NRG1: variants seen among roughly 807,000 people sequenced by gnomAD.
NRG1 encodes the protein neuregulin 1.
Under a neutral mutation model 63.8 loss-of-function variants are expected in NRG1, and 18 were observed. The observed-to-expected ratio is 0.28, with a 90% CI of 0.19 to 0.42. The LOEUF (loss-of-function observed/expected upper bound fraction) is 0.42. NRG1 is among the 10% of genes least tolerant of loss of function. NRG1 has a pLI of 1.00. For synonymous variants in NRG1, 302 were observed against 301.3 expected, an observed-to-expected ratio of 1.00 and a Z score of -0.02; for missense variants, 762 against 814.7, an observed-to-expected ratio of 0.94 and a Z score of 0.79.
intron 1 of NRG1, among the ~76,000 whole-genome samples, chr8:32,563,717 C>G (rs913639149): frequency 2.0e-5 from 3 of 152,096 alleles, no homozygotes; most frequent in African/African-American, 7.2e-5. Context: ...AGTTTTTATT[C>G]TTCTCCATCC....
chr8:31,936,270 C>T (rs1835292120), intron 1 of NRG1, among the ~76,000 whole-genome samples: 1 of 152,168 alleles, frequency 6.6e-6, no homozygotes. Flanking sequence ...ATACATAAAA[C>T]TCTTTCCTGG....
intron 1 of NRG1, among the ~76,000 whole-genome samples, chr8:32,285,996 T>C (rs978044189): frequency 6.6e-6 from 1 of 152,228 alleles, no homozygotes; most frequent in Non-Finnish European, 1.5e-5. Context: ...GTACTGCACC[T>C]GTGAATCATG....
chr8:32,108,372 T>G (rs1406520522), intron 1 of NRG1, among the ~76,000 whole-genome samples: 2 of 152,100 alleles, frequency 1.3e-5, no homozygotes, highest in Non-Finnish European at 2.9e-5. Flanking sequence ...GTACTGCATC[T>G]TCAGAGGGGA....
chr8:31,750,404 C>G (rs1221872616), intron 1 of NRG1, among the ~76,000 whole-genome samples: 1 of 151,864 alleles, frequency 6.6e-6, no homozygotes, highest in Non-Finnish European at 1.5e-5. Context: ...AAATGCAAAA[C>G]TGAATGTCTA....
intron 1 of NRG1, among the ~76,000 whole-genome samples, chr8:32,193,230 C>T (rs1198027779): frequency 6.6e-6 from 1 of 151,968 alleles, no homozygotes; most frequent in Non-Finnish European, 1.5e-5. Flanking sequence ...AGCAAGTGAA[C>T]ACAGTGCAGC....
Position 31,879,162 on chromosome 8 carries a change from A to C in NRG1, c.37+239731A>C, listed in dbSNP as rs527732709. On this transcript the variant is annotated intron_variant, in intron 1 of 10. Transcript: ENST00000519301. ...CAAGGATAATTGAGGAACATTTTCG[A>C]TTCTGTTCAACACAGCCAATTTCCT... Among the ~76,000 whole-genome samples the C allele has an allele frequency of 2.0e-5, 3 of 152,304 alleles. No homozygotes were observed. The East Asian group carries it at 5.8e-4, about 29-fold the overall frequency.
chr8:31,771,878 C>T (rs1464621523), intron 1 of NRG1, among the ~76,000 whole-genome samples: 1 of 152,132 alleles, frequency 6.6e-6, no homozygotes, highest in Non-Finnish European at 1.5e-5. Context: ...CAGAAAAATA[C>T]AAGCACAGTG....
chr8:32,006,013 T>TC, intron 1 of NRG1, among the ~76,000 whole-genome samples: 1 of 152,134 alleles, frequency 6.6e-6, no homozygotes, highest in East Asian at 1.9e-4. Context: ...GCCTGGATGT[T>TC]TGTCTTTTCA....
chr8:31,741,930 T>C (rs898327821), intron 1 of NRG1, among the ~76,000 whole-genome samples: 1 of 151,878 alleles, frequency 6.6e-6, no homozygotes, highest in African/African-American at 2.4e-5. Context: ...TGAAAAAAAC[T>C]GCAACTATCC....
intron 1 of NRG1, among the ~76,000 whole-genome samples, chr8:31,839,867 T>G (rs2129607508): frequency 6.6e-6 from 1 of 152,082 alleles, no homozygotes; most frequent in Middle Eastern, 3.4e-3. Flanking sequence ...GCACTTCCTG[T>G]GAAATCGCAG....
intron 1 of NRG1, among the ~76,000 whole-genome samples, chr8:31,997,521 A>G (rs1027400355): frequency 1.3e-5 from 2 of 152,010 alleles, no homozygotes; most frequent in Non-Finnish European, 2.9e-5. Flanking sequence ...TCATTTAATC[A>G]TCAAAAACAA....
intron 1 of NRG1, among the ~76,000 whole-genome samples, chr8:31,994,491 T>A (rs1367325901): frequency 1.3e-5 from 2 of 151,178 alleles, no homozygotes; most frequent in Admixed American, 6.6e-5. Flanking sequence ...TGTCTCTACA[T>A]AAAATTTAAA....
chr8:32,294,746 G>A (rs923016789), intron 1 of NRG1, among the ~76,000 whole-genome samples: 2 of 152,104 alleles, frequency 1.3e-5, no homozygotes, highest in Non-Finnish European at 2.9e-5. Context: ...TATCATTTAC[G>A]AATGGTTTCT....
chr8:32,610,331 T>G (rs949347669), intron 3 of NRG1, among the ~76,000 whole-genome samples: 1 of 152,170 alleles, frequency 6.6e-6, no homozygotes, highest in Non-Finnish European at 1.5e-5. Context: ...GATACAAGAT[T>G]CTAAGAGAGA....
At chr8:32,255,657 A>G (rs544138362) in intron 1 of NRG1, among the ~76,000 whole-genome samples, 1 of 152,024 alleles carries the variant, frequency 6.6e-6, no homozygotes, top group East Asian at 1.9e-4. Context: ...CCTTTATTTC[A>G]ACCTTGGTGA....
At position 32,763,386 on chromosome 8, in the gene NRG1, C is replaced by A. The variant is rs1221352170; in HGVS notation, c.1260-362C>A. Reference sequence around the variant, plus strand: ...TATAGTATTTAAGTAATACTTCTTTCCCTTCCGAATCCCTGAGCCTTGGTC... The same window carrying A: ...TATAGTATTTAAGTAATACTTCTTTACCTTCCGAATCCCTGAGCCTTGGTC... On this transcript the variant is annotated intron_variant, in intron 11 of 11. Coordinates refer to ENST00000356819, the Ensembl canonical transcript of NRG1. 9.3e-6 allele frequency: 15 copies of A among 1,609,224 alleles called. No homozygotes were observed. The East Asian group carries it at 3.3e-4, about 36-fold the overall frequency.
At chr8:32,773,710 A>G (rs951802445) in intron 7 of NRG1, among the ~76,000 whole-genome samples, 5 of 152,066 alleles carry the variant, frequency 3.3e-5, no homozygotes, top group Non-Finnish European at 7.4e-5. Context: ...CCCCTGGGCC[A>G]TCCTTCACAT....
intron 1 of NRG1, among the ~76,000 whole-genome samples, chr8:31,729,104 C>T (rs1218505089): frequency 6.6e-6 from 1 of 151,984 alleles, no homozygotes; most frequent in Non-Finnish European, 1.5e-5. Flanking sequence ...ACAGATTATA[C>T]ATGGGAAAAA....
At chr8:32,542,290 G>A (rs1346794438) in intron 1 of NRG1, among the ~76,000 whole-genome samples, 1 of 152,084 alleles carries the variant, frequency 6.6e-6, no homozygotes, top group African/African-American at 2.4e-5. Flanking sequence ...TTACATATTT[G>A]TTCATGGAAA....
Sources: allele counts gnomAD v4.1 joint callset (sites outside exome capture counted in the v4.1 genomes callset), GRCh38; gene constraint gnomAD v4.1.1; transcripts MANE v1.5; gene names NCBI Gene and HGNC (gene_info 2026-07-23, HGNC 2026-07-21).